Variants in ZNF609 observed in about 807,000 individuals in gnomAD.
ZNF609 encodes zinc finger protein 609.
Under a neutral mutation model 109.5 loss-of-function variants are expected in ZNF609, and 11 were observed. The ratio of observed to expected loss-of-function variants is 0.10; its 90% CI spans 0.06 to 0.17. The LOEUF is 0.17. Among genes scored for constraint, ZNF609 ranks in the 10% least tolerant of loss-of-function variants. The probability of loss-of-function intolerance (pLI) is 1.00; values close to 1 mark genes in which losing one functional copy is unlikely to be tolerated. For missense variants in ZNF609, 1,559 were observed against 1,772.4 expected (o/e 0.88, Z 2.16); for synonymous variants, 646 against 662.0 (o/e 0.98, Z 0.37).
At chr15:64,652,414 TCTTA>T (rs1896432271) in intron 3 of ZNF609, among the ~76,000 whole-genome samples, 1 of 136,204 alleles carries the variant, frequency 7.3e-6, no homozygotes, top group Admixed American at 7.7e-5. Context: ...TGAGACAGGG[TCTTA>T]CTCTGTCACC....
chr15:64,672,619 C>T (rs1442628082), intron 4 of ZNF609, among the ~76,000 whole-genome samples: 2 of 138,950 alleles, frequency 1.4e-5, no homozygotes, highest in Non-Finnish European at 3.1e-5. Flanking sequence ...AGCAACACTC[C>T]ATCTCAAAAA....
chr15:64,545,998 T>C (rs1567010700), intron 2 of ZNF609, among the ~76,000 whole-genome samples: 1 of 152,256 alleles, frequency 6.6e-6, no homozygotes, highest in African/African-American at 2.4e-5. Context: ...TAGAGGGTTT[T>C]ATTTTTCTTA....
In ZNF609 at chr15:64,601,491, AAAAT is replaced by A. The variant is rs1222268838; in HGVS notation, c.748-21328_748-21325del. On this transcript the variant is annotated intron_variant, in intron 2 of 9. Transcript: ENST00000326648. ...AAATTAATGTGCAAATCAAGATCTA[AAAAT>A]AAATAAAATTATTGAACAACCTTTC... 3.3e-5 allele frequency among the ~76,000 whole-genome samples: 5 copies of A among 152,354 alleles called. No homozygotes were observed. In the South Asian group the frequency reaches 6.2e-4, roughly 19 times the overall value.
chr15:64,499,790 G>A lies in ZNF609; in HGVS notation c.371G>A (p.Arg124His), dbSNP rs369004534. ...GCTAGCAAGAAAGAGGTGCAGGGGC[G>A]CTCAGGAGATGGTGCCAATGCTGGA... ...GAASKKEVQG[R>H]SGDGANAGGL... Residue 124 changes from arginine (R) to histidine (H), a missense_variant, in exon 2 of 10, where the codon CGC becomes CAC. Around this residue, in one of 4 missense-constraint regions of ZNF609, gnomAD observed 291 missense variants for 317.8 expected, o/e 0.92. Transcript: ENST00000326648. 23 of 1,614,062 alleles carry A rather than the reference G, an allele frequency of 1.4e-5. No homozygotes were observed. Among genetic ancestry groups the A allele is most frequent in the South Asian group, 4.4e-5 (4 of 91,084 alleles).
chr15:64,484,397 G>C (rs1893301091), intron 1 of ZNF609, among the ~76,000 whole-genome samples: 1 of 152,170 alleles, frequency 6.6e-6, no homozygotes, highest in South Asian at 2.1e-4. Flanking sequence ...AAGAATCTTG[G>C]CCGGGCACAG....
At chr15:64,617,062 C>T (rs1895811449) in intron 2 of ZNF609, among the ~76,000 whole-genome samples, 1 of 152,038 alleles carries the variant, frequency 6.6e-6, no homozygotes, top group South Asian at 2.1e-4. Flanking sequence ...CCTGCCTCAG[C>T]CTCCCAAAGT....
rs557943538 is a variant in ZNF609, at chr15:64,558,900, T to C, written c.747+58734T>C. Among the ~76,000 whole-genome samples the C allele has an allele frequency of 3.3e-5, 5 of 152,146 alleles. No individual in the cohort carries two copies. In the South Asian group the frequency reaches 6.2e-4, roughly 19 times the overall value. On this transcript the variant is annotated intron_variant, in intron 2 of 9. Transcript: ENST00000326648. The stretch of plus-strand genomic sequence containing the variant: ...CTAAAATATTTCCTTTTTTTTTTTT[T>C]AGTTGCCATTTCCTTTGAGTCAGCA...
At chr15:64,504,122 G>A (rs1893597709) in intron 2 of ZNF609, among the ~76,000 whole-genome samples, 1 of 152,208 alleles carries the variant, frequency 6.6e-6, no homozygotes, top group African/African-American at 2.4e-5. Context: ...ATGCCCTCAA[G>A]ATTTTCCTTC....
rs28572590 is a variant in ZNF609 at position 64,489,174 on chromosome 15, T to G, written c.-127-10119T>G. 4.5e-3 allele frequency among the ~76,000 whole-genome samples: 641 copies of G among 141,292 alleles called. 4 individuals are homozygous for G. Among genetic ancestry groups the G allele is most frequent in the African/African-American group, 0.016 (581 of 36,656 alleles). The allele number at this position is 141,292 out of a possible 152,430, so 92.7% of individuals were successfully genotyped here. A position where few individuals can be genotyped will look rare whatever the true frequency, so the allele number is the denominator to read the frequency against. ...TTCTGTGTGCAAGCCTAGTTTTGTG[T>G]TTTTTTTTTTGTTTTTTTGTTTTTC... is the stretch of plus-strand genomic sequence containing the variant. On this transcript the variant is annotated intron_variant, in intron 1 of 9. Transcript: ENST00000326648.
intron 3 of ZNF609, among the ~76,000 whole-genome samples, chr15:64,663,905 G>A (rs1343323904): frequency 6.6e-6 from 1 of 152,166 alleles, no homozygotes; most frequent in Non-Finnish European, 1.5e-5. Flanking sequence ...CTTTGGGATT[G>A]AGTTTGTCTC....
intron 1 of ZNF609, among the ~76,000 whole-genome samples, chr15:64,478,648 GGATTACAA>G (rs1467589524): frequency 2.8e-4 from 43 of 152,186 alleles, no homozygotes; most frequent in African/African-American, 9.9e-4. Context: ...CAAAGCACTG[GGATTACAA>G]GTATGAGCCA....
At chr15:64,514,104 A>AC (rs1893774039) in intron 2 of ZNF609, among the ~76,000 whole-genome samples, 1 of 151,338 alleles carries the variant, frequency 6.6e-6, no homozygotes, top group South Asian at 2.1e-4. Context: ...AAAAAAAAAA[A>AC]CCACCAGTTC....
rs374998036 is a variant in ZNF609 at position 64,500,137 on chromosome 15, C to T, written c.718C>T (p.Arg240Cys). 4.3e-5 allele frequency: 69 copies of T among 1,613,564 alleles called. No homozygotes were observed. In the South Asian group the frequency reaches 5.7e-4, roughly 13 times the overall value. Residue 240 changes from arginine to cysteine, a missense_variant, in exon 2 of 10, where the codon CGC becomes TGC. Arg to Cys is a radical substitution (Grantham distance 180). Coordinates refer to ENST00000326648, the MANE Select transcript of ZNF609 (RefSeq NM_015042.2). ...PEPEEGENEC[R>C]LLKKVKSEKM... ...GCCAGAGGAAGGGGAGAATGAGTGT[C>T]GCCTGCTAAAGAAAGTCAAGTCTGA...
At chr15:64,676,443 T>A (rs531341182) in intron 5 of ZNF609, among the ~76,000 whole-genome samples, 187 bp downstream of exon 5, 3 of 152,342 alleles carry the variant, frequency 2.0e-5, no homozygotes, top group African/African-American at 4.8e-5. Flanking sequence ...TATTATTATT[T>A]TTTTTGAGAT....
At chr15:64,561,973 C>T (rs1488805763) in intron 2 of ZNF609, among the ~76,000 whole-genome samples, 1 of 152,144 alleles carries the variant, frequency 6.6e-6, no homozygotes, top group Non-Finnish European at 1.5e-5. Context: ...AAGGGTAGAC[C>T]TCCTAATGCC....
intron 3 of ZNF609, among the ~76,000 whole-genome samples, chr15:64,644,524 A>G (rs1232549934): frequency 6.6e-6 from 1 of 152,182 alleles, no homozygotes; most frequent in Non-Finnish European, 1.5e-5. Flanking sequence ...AAAAAGAATC[A>G]GAGGTCTTTA....
intron 3 of ZNF609, among the ~76,000 whole-genome samples, chr15:64,658,361 C>A (rs1455317231): frequency 6.6e-6 from 1 of 152,088 alleles, no homozygotes. Context: ...CCACGCCCAG[C>A]TAATTTTGTA....
At chr15:64,657,213 T>C (rs1207195947) in intron 3 of ZNF609, among the ~76,000 whole-genome samples, 1 of 147,000 alleles carries the variant, frequency 6.8e-6, no homozygotes, top group Non-Finnish European at 1.5e-5. Context: ...TGAGCCAAGA[T>C]CGCACCACTG....
intron 2 of ZNF609, among the ~76,000 whole-genome samples, chr15:64,557,180 T>C (rs1186723160): frequency 1.1e-5 from 1 of 92,944 alleles, no homozygotes; most frequent in Admixed American, 1.6e-4. Flanking sequence ...AATTCTTTTT[T>C]CTTATTCTTC....
Sources: gnomAD v4.1 joint callset for allele counts (sites outside exome capture counted in the v4.1 genomes callset) on GRCh38, gnomAD v4.1.1 for gene constraint, gnomAD v4.1.1 regional missense constraint, MANE v1.5 for transcripts, NCBI Gene and HGNC (gene_info 2026-07-23, HGNC 2026-07-21) for gene names.